Variants in SLC24A2 observed in about 807,000 individuals in gnomAD.
SLC24A2 encodes the protein sodium/potassium/calcium exchanger 2.
In SLC24A2, 36 loss-of-function variants were observed where a neutral mutation model predicts 62.0. The ratio of observed to expected loss-of-function variants is 0.58; its 90% confidence interval spans 0.44 to 0.77. SLC24A2 has a LOEUF of 0.77. SLC24A2 is among the 30% of genes least tolerant of loss of function. The pLI, the probability that SLC24A2 is intolerant of heterozygous loss-of-function variation, is 0.00. For missense variants in SLC24A2, 846 were observed against 817.9 expected, an observed-to-expected ratio of 1.03 and a Z score of -0.42; for synonymous variants, 358 against 294.0, an observed-to-expected ratio of 1.22 and a Z score of -2.23.
chr9:19,721,839 T>C (rs570005957), intron 2 of SLC24A2, among the ~76,000 whole-genome samples: 20 of 152,294 alleles, frequency 1.3e-4, no homozygotes, highest in African/African-American at 4.1e-4. Flanking sequence ...TGTTTGTGTA[T>C]TGATAGAGAA....
the SLC24A2 span, among the ~76,000 whole-genome samples, chr9:19,897,992 C>A: frequency 6.6e-6 from 1 of 152,170 alleles, no homozygotes; most frequent in Non-Finnish European, 1.5e-5. Context: ...AATTACACAT[C>A]TTGGAAATCA....
Position 19,704,872 on chromosome 9 carries a change from A to G in SLC24A2, c.930+81065T>C, listed in dbSNP as rs565491581. Among the ~76,000 whole-genome samples, 16 of 152,062 alleles carry G rather than the reference A, an allele frequency of 1.1e-4. No individual in the cohort carries two copies. In the East Asian group the frequency reaches 2.9e-3, roughly 28 times the overall value. On this transcript the variant is annotated intron_variant, in intron 2 of 10. Coordinates refer to ENST00000341998, the MANE Select transcript of SLC24A2 (RefSeq NM_020344.4). ...GACATTTTCAAAACTGCCAACTGGG[A>G]AAGTACTTTCAGGATGAAACAGATC...
the SLC24A2 span, among the ~76,000 whole-genome samples, chr9:19,921,085 G>A: frequency 3.4e-5 from 5 of 148,134 alleles, no homozygotes; most frequent in African/African-American, 1.2e-4. Flanking sequence ...TTATGGGGGG[G>A]GGGTGTTCCA....
chr9:20,109,182 A>G, the SLC24A2 span, among the ~76,000 whole-genome samples: 5 of 152,166 alleles, frequency 3.3e-5, no homozygotes, highest in African/African-American at 1.2e-4. Flanking sequence ...TGACGTTCAC[A>G]GACAATGACA....
the SLC24A2 span, among the ~76,000 whole-genome samples, chr9:20,149,964 A>G: frequency 6.6e-6 from 1 of 151,896 alleles, no homozygotes; most frequent in African/African-American, 2.4e-5. Flanking sequence ...CCCTAGGAAC[A>G]TGGTAGCATT....
At chr9:20,279,669 A>G in the SLC24A2 span, among the ~76,000 whole-genome samples, 1 of 152,374 alleles carries the variant, frequency 6.6e-6, no homozygotes, top group Admixed American at 6.5e-5. Context: ...GACTTGCAGA[A>G]TTAAATGCCA....
At chr9:19,762,684 C>A (rs1822373509) in intron 2 of SLC24A2, among the ~76,000 whole-genome samples, 1 of 151,992 alleles carries the variant, frequency 6.6e-6, no homozygotes, top group Non-Finnish European at 1.5e-5. Context: ...GTTTTGGTAC[C>A]AGTACCAAGC....
chr9:20,046,797 T>C, the SLC24A2 span, among the ~76,000 whole-genome samples: 6 of 152,224 alleles, frequency 3.9e-5, no homozygotes, highest in Non-Finnish European at 8.8e-5. Context: ...AGCTATTTGA[T>C]ATTACTTATT....
At chr9:20,019,299 GAAA>G in the SLC24A2 span, among the ~76,000 whole-genome samples, 13 of 148,892 alleles carry the variant, frequency 8.7e-5, no homozygotes, top group Admixed American at 8.6e-4. Flanking sequence ...AAGAAAGAAA[GAAA>G]GAAAGAAAGA....
the SLC24A2 span, among the ~76,000 whole-genome samples, chr9:20,014,812 T>C: frequency 1.3e-5 from 2 of 152,122 alleles, no homozygotes; most frequent in African/African-American, 2.4e-5. Flanking sequence ...TTTTGAGATC[T>C]ATTGTGCAGT....
the SLC24A2 span, among the ~76,000 whole-genome samples, chr9:20,176,907 T>TGG: frequency 2.1e-5 from 1 of 48,756 alleles, no homozygotes; most frequent in Non-Finnish European, 4.7e-5. Context: ...TTATCTAAAG[T>TGG]GTGAGGATGG....
At chr9:19,605,587 G>T (rs893192400) in intron 4 of SLC24A2, among the ~76,000 whole-genome samples, 3 of 152,140 alleles carry the variant, frequency 2.0e-5, no homozygotes, top group African/African-American at 7.2e-5. Flanking sequence ...ATGGTAAATA[G>T]GCTTCTTTTT....
At chr9:20,139,865 T>C in the SLC24A2 span, among the ~76,000 whole-genome samples, 1 of 152,210 alleles carries the variant, frequency 6.6e-6, no homozygotes, top group Non-Finnish European at 1.5e-5. Flanking sequence ...GACTGAAGGC[T>C]GTCAGCACTT....
chr9:20,026,778 G>C, the SLC24A2 span, among the ~76,000 whole-genome samples: 1 of 152,102 alleles, frequency 6.6e-6, no homozygotes, highest in Non-Finnish European at 1.5e-5. Flanking sequence ...ATGACTTTTT[G>C]GATAAGACCT....
intron 2 of SLC24A2, among the ~76,000 whole-genome samples, chr9:19,767,924 G>A (rs979606784): frequency 5.3e-5 from 8 of 152,302 alleles, no homozygotes; most frequent in Admixed American, 3.3e-4. Flanking sequence ...CCTGCTAAGA[G>A]TCTTCTTGTT....
At chr9:19,584,568 C>T (rs1024502192) in intron 5 of SLC24A2, among the ~76,000 whole-genome samples, 3 of 152,114 alleles carry the variant, frequency 2.0e-5, no homozygotes, top group African/African-American at 7.2e-5. Context: ...AACTATCTTA[C>T]TGGAACAGTT....
chr9:20,049,772 A>C, the SLC24A2 span, among the ~76,000 whole-genome samples: 1 of 150,730 alleles, frequency 6.6e-6, no homozygotes, highest in East Asian at 2.0e-4. Flanking sequence ...TGTCACCCAT[A>C]AACTACAGGG....
At position 19,778,289 on chromosome 9, in the gene SLC24A2, C is replaced by T. The variant is rs567789496; in HGVS notation, c.930+7648G>A. Among the ~76,000 whole-genome samples, 6 of 152,146 alleles carry T rather than the reference C, an allele frequency of 3.9e-5. No homozygotes were observed. In the East Asian group the frequency reaches 1.2e-3, roughly 29 times the overall value. On this transcript the variant is annotated intron_variant, in intron 2 of 10. Transcript: ENST00000341998. ...CCAGAACACTGACCAAATACAAGTCCAGAAATGTCTGTATTGCTTTGCCTT... is the reference window on the plus strand; with the variant it reads ...CCAGAACACTGACCAAATACAAGTCTAGAAATGTCTGTATTGCTTTGCCTT...
intron 2 of SLC24A2, among the ~76,000 whole-genome samples, chr9:19,780,955 G>C (rs1007622278): frequency 3.4e-5 from 5 of 147,374 alleles, no homozygotes; most frequent in African/African-American, 1.0e-4. Context: ...TTCAAAAAAA[G>C]GCAAGAAAAA....
Sources: gnomAD v4.1 joint callset for allele counts (sites outside exome capture counted in the v4.1 genomes callset) on GRCh38, gnomAD v4.1.1 for gene constraint, MANE v1.5 for transcripts, NCBI Gene and HGNC (gene_info 2026-07-23, HGNC 2026-07-21) for gene names.